Variants in SHTN1 observed in about 807,000 individuals in gnomAD.
SHTN1 encodes shootin 1, also known as shootin-1.
In SHTN1, 42 loss-of-function variants were observed where a neutral mutation model predicts 83.1. The observed-to-expected ratio is 0.51, with a 90% CI of 0.39 to 0.65. The LOEUF (loss-of-function observed/expected upper bound fraction) is 0.65. SHTN1 is among the 30% of genes least tolerant of loss of function. The pLI, the probability that SHTN1 is intolerant of heterozygous loss-of-function variation, is 0.00. For synonymous variants in SHTN1, 224 were observed against 247.7 expected (o/e 0.90, Z 0.90); for missense variants, 622 against 737.8 (o/e 0.84, Z 1.82).
intron 1 of SHTN1, among the ~76,000 whole-genome samples, chr10:117,068,190 G>A (rs1362400879): frequency 1.3e-5 from 2 of 152,054 alleles, no homozygotes; most frequent in South Asian, 2.1e-4. Context: ...TCCGAAATTC[G>A]AGACCAGCCT....
At chr10:117,106,940 G>A (rs1234139281) in intron 1 of SHTN1, among the ~76,000 whole-genome samples, 1 of 151,998 alleles carries the variant, frequency 6.6e-6, no homozygotes, top group Non-Finnish European at 1.5e-5. Flanking sequence ...TATTTTGCAG[G>A]ATTGTTTTGA....
chr10:117,042,139 C>A lies in SHTN1; in HGVS notation c.-123+6306G>T, dbSNP rs189676195. 2.6e-5 allele frequency among the ~76,000 whole-genome samples: 4 copies of A among 152,282 alleles called. No homozygotes were observed. In the East Asian group the frequency reaches 7.7e-4, roughly 29 times the overall value. ...GTTTTGTAACATATCTGCCATTTTT[C>A]CTTTGATATTTACAGGCCATCTTTA... On this transcript the variant is annotated intron_variant, in intron 2 of 17. Coordinates refer to the SHTN1 transcript ENST00000392901.
rs1847162491 is a variant in SHTN1, at chr10:116,886,355, AGCTGTCTGTCTCTCTCACGTTTTCAAT to A, written c.1858_1884del (p.Ile620_Ser628del). The A allele has an allele frequency of 6.4e-7, 1 of 1,553,270 alleles. No homozygotes were observed. The highest frequency in any genetic ancestry group is 8.7e-7 in the Non-Finnish European group (1 of 1,147,564). ...TTCTGGTTTATGGATCAGCAGTTGG[AGCTGTCTGTCTCTCTCACGTTTTCAAT>A]GCTGTCTTCTTTGTTTTCTGGTTGA... is the stretch of plus-strand genomic sequence containing the variant. On this transcript the variant is annotated inframe_deletion, in exon 17 of 17. Transcript: ENST00000355371.
chr10:116,964,144 C>G (rs928020409), intron 3 of SHTN1, among the ~76,000 whole-genome samples: 2 of 152,148 alleles, frequency 1.3e-5, no homozygotes, highest in African/African-American at 4.8e-5. Flanking sequence ...CTGTGAACAG[C>G]CTTTTATGAG....
At chr10:116,938,865 A>G (rs187564316) in intron 9 of SHTN1, among the ~76,000 whole-genome samples, 10 of 152,286 alleles carry the variant, frequency 6.6e-5, no homozygotes, top group Non-Finnish European at 1.2e-4. Flanking sequence ...TGCTTTGCCC[A>G]GAGAGGAGGA....
chr10:117,004,933 G>C lies in SHTN1; in HGVS notation c.58+89C>G. On this transcript the variant is annotated intron_variant, in intron 1 of 16. Transcript: ENST00000355371. ...ACGGCGGCCGCCACGTCTCCCGCCC[G>C]GCTTCCAACTGCCCTGGCCCCAGCG... 4 of 1,213,220 alleles carry C rather than the reference G, an allele frequency of 3.3e-6. No individual in the cohort carries two copies. In the South Asian group the frequency reaches 4.4e-5, roughly 13 times the overall value. 75.2% of individuals were successfully genotyped at this position (1,213,220 alleles called of 1,614,324 possible). A position where few individuals can be genotyped will look rare whatever the true frequency, so the allele number is the denominator to read the frequency against.
intron 2 of SHTN1, among the ~76,000 whole-genome samples, chr10:117,011,839 T>G (rs1038435464): frequency 2.0e-5 from 3 of 152,000 alleles, no homozygotes; most frequent in African/African-American, 4.8e-5. Flanking sequence ...ATATATTATG[T>G]TCATGAATTA....
At chr10:116,898,530 G>C (rs976786928) in intron 16 of SHTN1, among the ~76,000 whole-genome samples, 3 of 152,094 alleles carry the variant, frequency 2.0e-5, no homozygotes, top group Non-Finnish European at 4.4e-5. Context: ...AAAGGGACAT[G>C]ATGAGCATAA....
At position 116,929,995 on chromosome 10, in the gene SHTN1, T is replaced by A; in HGVS notation, c.866A>T (p.Glu289Val). 1 of 1,573,024 alleles carries A rather than the reference T, an allele frequency of 6.4e-7. No individual in the cohort carries two copies. The highest frequency in any genetic ancestry group is 8.6e-7 in the Non-Finnish European group (1 of 1,162,034). ...ERIQHQQKVKELEEQLENETL... is the reference protein window; with the variant it reads ...ERIQHQQKVKVLEEQLENETL... ...TTCATTTTCTAGTTGCTCTTCTAATTCTTTGACCTATAAGTTATTTAAAAA... is the reference window on the plus strand; with the variant it reads ...TTCATTTTCTAGTTGCTCTTCTAATACTTTGACCTATAAGTTATTTAAAAA... Residue 289 changes from glutamate to valine, a missense_variant, in exon 10 of 17, where the codon GAA (glutamate) becomes GTA (valine). This residue lies in a region of SHTN1 where 383 missense variants were observed against 455.8 expected (regional missense o/e 0.84). Transcript: ENST00000355371.
intron 1 of SHTN1, among the ~76,000 whole-genome samples, chr10:117,003,599 GAGT>G (rs1851897132): frequency 2.0e-5 from 3 of 151,978 alleles, no homozygotes; most frequent in African/African-American, 7.3e-5. Flanking sequence ...CAACAGGTAA[GAGT>G]ACTGGACAGG....
intron 1 of SHTN1, among the ~76,000 whole-genome samples, chr10:117,061,948 T>C (rs928240754): frequency 5.3e-5 from 8 of 152,202 alleles, no homozygotes; most frequent in Admixed American, 1.3e-4. Context: ...TAGAGTATAA[T>C]GGCATTTCAT....
intron 14 of SHTN1, 150 bp downstream of exon 14, chr10:116,911,640 C>G: frequency 6.4e-7 from 1 of 1,558,944 alleles, no homozygotes; most frequent in Non-Finnish European, 8.7e-7. Context: ...ATGGAGCAGT[C>G]TGTAAGCACG....
At chr10:117,085,845 G>T (rs1853342233) in intron 1 of SHTN1, among the ~76,000 whole-genome samples, 2 of 150,512 alleles carry the variant, frequency 1.3e-5, no homozygotes, top group Admixed American at 1.3e-4. Flanking sequence ...TTTGCAGATT[G>T]ACCCCTTTTA....
chr10:116,902,926 C>T (rs1215569606), intron 15 of SHTN1, among the ~76,000 whole-genome samples: 1 of 152,096 alleles, frequency 6.6e-6, no homozygotes, highest in Non-Finnish European at 1.5e-5. Flanking sequence ...TAATCCCTGA[C>T]CATTGGTATT....
chr10:116,914,290 G>A (rs1007417695), intron 13 of SHTN1, among the ~76,000 whole-genome samples: 2 of 152,044 alleles, frequency 1.3e-5, no homozygotes, highest in African/African-American at 2.4e-5. Context: ...TGGCCAACAC[G>A]GTGAAACCCT....
intron 1 of SHTN1, among the ~76,000 whole-genome samples, chr10:116,994,762 C>A (rs1851568681): frequency 1.3e-5 from 2 of 151,962 alleles, no homozygotes; most frequent in African/African-American, 2.4e-5. Flanking sequence ...TGTTTTGAAT[C>A]TTTTTTACAA....
intron 2 of SHTN1, among the ~76,000 whole-genome samples, chr10:117,010,720 G>T (rs1375031910): frequency 6.6e-6 from 1 of 152,080 alleles, no homozygotes; most frequent in Non-Finnish European, 1.5e-5. Context: ...CACATTAAAA[G>T]GATTATACAC....
At chr10:117,075,350 T>C (rs1199110241) in intron 1 of SHTN1, among the ~76,000 whole-genome samples, 2 of 152,184 alleles carry the variant, frequency 1.3e-5, no homozygotes, top group East Asian at 1.9e-4. Context: ...ACTTGTGCAT[T>C]TGAGATGGTA....
At chr10:116,953,184 C>G (rs1010830581) in intron 5 of SHTN1, among the ~76,000 whole-genome samples, 7 of 152,140 alleles carry the variant, frequency 4.6e-5, no homozygotes, top group Non-Finnish European at 8.8e-5. Context: ...GTTACTGAGC[C>G]AGAACTGCTT....
Sources: gnomAD v4.1 joint callset for allele counts (sites outside exome capture counted in the v4.1 genomes callset) on GRCh38, gnomAD v4.1.1 for gene constraint, gnomAD v4.1.1 regional missense constraint, MANE v1.5 for transcripts, NCBI Gene and HGNC (gene_info 2026-07-23, HGNC 2026-07-21) for gene names.